Variants in PITPNM2 observed in about 807,000 individuals in gnomAD.
The protein encoded by PITPNM2 is membrane-associated phosphatidylinositol transfer protein 2.
A neutral mutation model predicts 132.2 loss-of-function variants in PITPNM2; 35 were observed. That is an observed-to-expected ratio of 0.26 (90% CI 0.20 to 0.35). The LOEUF (loss-of-function observed/expected upper bound fraction) is 0.35, where lower values mean the gene tolerates loss of function less well. Ranked by LOEUF, PITPNM2 falls within the 10% of genes least tolerant of loss-of-function variation. The pLI is 1.00. For missense variants in PITPNM2, 1,332 were observed against 1,912.0 expected (o/e 0.70, Z 5.66); for synonymous variants, 738 against 799.2 (o/e 0.92, Z 1.29).
chr12:123,085,563 A>T (rs1007037633), intron 2 of PITPNM2, among the ~76,000 whole-genome samples: 1 of 152,092 alleles, frequency 6.6e-6, no homozygotes, highest in African/African-American at 2.4e-5. Context: ...TTGGGATGAT[A>T]AAAAAAATTC....
intron 2 of PITPNM2, among the ~76,000 whole-genome samples, chr12:123,085,750 G>C (rs2137055790): frequency 6.6e-6 from 1 of 152,298 alleles, no homozygotes; most frequent in South Asian, 2.1e-4. Context: ...ATACAGGATG[G>C]CCAATAACTC....
At position 123,020,577 on chromosome 12, in the gene PITPNM2, G is replaced by C. The variant is rs2039626424; in HGVS notation, c.79-6535C>G. Among the ~76,000 whole-genome samples the C allele has an allele frequency of 3.3e-5, 5 of 152,322 alleles. No individual in the cohort carries two copies. The South Asian group carries it at 1.0e-3, about 32-fold the overall frequency. On this transcript the variant is annotated intron_variant, in intron 3 of 25. Transcript: ENST00000320201. ...GCTGCCCACAGGGGTGTTCTTTCCT[G>C]GGTTTAGATAGGAGGTGAGGCCCCC...
chr12:122,986,076 C>T lies in PITPNM2; in HGVS notation c.4001G>A (p.Arg1334His), dbSNP rs1475211738. 5 of 1,433,210 alleles carry T rather than the reference C, an allele frequency of 3.5e-6. No individual in the cohort carries two copies. The highest frequency in any genetic ancestry group is 2.9e-5 in the Admixed American group (1 of 33,920). The allele number at this position is 1,433,210 out of a possible 1,614,324, so 88.8% of individuals were successfully genotyped here. The change falls in exon 26 of 26, where the codon CGC (arginine) becomes CAC (histidine). Residue 1334 changes from arginine (R) to histidine (H), a missense_variant. Transcript: ENST00000320201. ...CGGCTCCAGGCGGCCAGTCATGGCG[C>T]GGCCCCAGCAGCCGGCCGCCACACT... Reference protein sequence around the residue: ...SMSVAAGCWGRAMTGRLEPGA... With the variant: ...SMSVAAGCWGHAMTGRLEPGA...
Position 122,995,332 on chromosome 12 carries a change from C to T in PITPNM2, c.2054+57G>A. On this transcript the variant is annotated intron_variant, in intron 14 of 25. Coordinates refer to ENST00000320201, the MANE Select transcript of PITPNM2 (RefSeq NM_020845.3). ...TGGCCATCACAGGGGATGTTCCTCC[C>T]TCTTGGAGCCTCTTCCCACACCCAG... The T allele has an allele frequency of 7.2e-6, 11 of 1,532,758 alleles. No homozygotes were observed. In the South Asian group the frequency reaches 1.3e-4, roughly 17 times the overall value. 94.9% of individuals were successfully genotyped at this position (1,532,758 alleles called of 1,614,324 possible). A position where few individuals can be genotyped will look rare whatever the true frequency, so the allele number is the denominator to read the frequency against.
At chr12:123,094,759 G>A (rs759863828) in intron 2 of PITPNM2, among the ~76,000 whole-genome samples, 5 of 152,188 alleles carry the variant, frequency 3.3e-5, no homozygotes, top group East Asian at 3.8e-4. Flanking sequence ...AGGTGGGGCC[G>A]AGGGCAGGGA....
At chr12:123,138,228 C>A (rs2043425091) in intron 1 of PITPNM2, among the ~76,000 whole-genome samples, 1 of 152,124 alleles carries the variant, frequency 6.6e-6, no homozygotes, top group African/African-American at 2.4e-5. Context: ...GGGTGGATCG[C>A]TTGAGCTCAG....
intron 2 of PITPNM2, among the ~76,000 whole-genome samples, chr12:123,040,784 T>C (rs1251911488): frequency 6.6e-6 from 1 of 152,204 alleles, no homozygotes; most frequent in African/African-American, 2.4e-5. Context: ...TAGAACATGA[T>C]ACTTTTTTTA....
intron 2 of PITPNM2, among the ~76,000 whole-genome samples, chr12:123,086,969 C>T (rs571275606): frequency 6.6e-6 from 1 of 152,326 alleles, no homozygotes; most frequent in East Asian, 1.9e-4. Context: ...TTCTGCTCAG[C>T]CCAGCCACTG....
intron 1 of PITPNM2, among the ~76,000 whole-genome samples, chr12:123,137,058 T>A (rs1257346896): frequency 6.6e-6 from 1 of 152,160 alleles, no homozygotes; most frequent in Non-Finnish European, 1.5e-5. Context: ...ATTAGCCTAA[T>A]GAGGGCAAGT....
intron 2 of PITPNM2, among the ~76,000 whole-genome samples, chr12:123,041,884 C>T (rs2040491876): frequency 6.6e-6 from 1 of 151,928 alleles, no homozygotes; most frequent in African/African-American, 2.4e-5. Context: ...GCACCTGGGC[C>T]CTGGCCTTAG....
At chr12:123,044,558 T>A (rs956868171) in intron 2 of PITPNM2, among the ~76,000 whole-genome samples, 5 of 152,224 alleles carry the variant, frequency 3.3e-5, no homozygotes, top group Non-Finnish European at 7.3e-5. Context: ...GATTTTCACC[T>A]GGGTTACTCC....
intron 23 of PITPNM2, 104 bp from the exon 24 acceptor site, chr12:122,986,933 G>C (rs549740703): frequency 7.4e-7 from 1 of 1,357,042 alleles, no homozygotes; most frequent in South Asian, 1.4e-5. Context: ...GCACATCTCT[G>C]ATTGAGCTCA....
chr12:123,072,157 C>T (rs1386956051), intron 2 of PITPNM2, among the ~76,000 whole-genome samples: 1 of 152,164 alleles, frequency 6.6e-6, no homozygotes, highest in Non-Finnish European at 1.5e-5. Flanking sequence ...AAAGTGAGGA[C>T]GCTGGCATGA....
rs765393897 is a variant in PITPNM2, at chr12:122,986,705, C to T, written c.3538G>A (p.Gly1180Ser). ...TGCCGCAGCGGGTCATGCACCAGGC[C>T]GTCACAGAAGGACACCACGCCATGG... Reference protein sequence around the residue: ...FPHGVVSFCDGLVHDPLRHKA... With the variant: ...FPHGVVSFCDSLVHDPLRHKA... Residue 1180 changes from glycine (G) to serine (S), a missense_variant, in exon 24 of 26, where the codon GGC becomes AGC. This residue lies in a region of PITPNM2 where 251 missense variants were observed against 472.0 expected (regional missense o/e 0.53). Coordinates refer to ENST00000320201, the MANE Select transcript of PITPNM2 (RefSeq NM_020845.3). 3.7e-6 allele frequency: 6 copies of T among 1,613,516 alleles called. No individual in the cohort carries two copies. The highest frequency in any genetic ancestry group is 2.2e-5 in the East Asian group (1 of 44,878).
In PITPNM2 at chr12:122,992,426, G is replaced by C. The variant is rs958928544; in HGVS notation, c.2404+73C>G. The C allele has an allele frequency of 6.0e-6, 9 of 1,510,734 alleles. No homozygotes were observed. The African/African-American group carries it at 1.3e-4, about 21-fold the overall frequency. The allele number at this position is 1,510,734 out of a possible 1,614,324, so 93.6% of individuals were successfully genotyped here. A position where few individuals can be genotyped will look rare whatever the true frequency, so the allele number is the denominator to read the frequency against. On this transcript the variant is annotated intron_variant, in intron 16 of 25. Transcript: ENST00000320201. This position sits in a 1 kb window ranked among gnomAD's most constrained non-coding sequence, Gnocchi z 6.5. Reference sequence around the variant, plus strand: ...ACCTGGGGAAGAACCACGTAGCATGGAGGACCTAGGAGCCAGGGAGCCACG... The same window carrying C: ...ACCTGGGGAAGAACCACGTAGCATGCAGGACCTAGGAGCCAGGGAGCCACG...
chr12:122,996,511 G>A lies in PITPNM2; in HGVS notation c.1729C>T (p.Pro577Ser). The A allele has an allele frequency of 1.2e-6, 2 of 1,613,100 alleles. 1 individual carries two copies. Among genetic ancestry groups the A allele is most frequent in the South Asian group, 2.2e-5 (2 of 91,086 alleles). ...CTGCTGCTCTGACTCTCAGACACCG[G>A]CTGGTTACTGTAGCACAGGGCATCA... is the stretch of plus-strand genomic sequence containing the variant. Reference protein sequence around the residue: ...AFDALCYSNQPVSESQSSSRR... With the variant: ...AFDALCYSNQSVSESQSSSRR... The change falls in exon 13 of 26, where the codon CCG (proline) becomes TCG (serine). Residue 577 changes from proline (P) to serine (S), a missense_variant. Physicochemically the swap from Pro to Ser is moderately conservative, Grantham distance 74. Around this residue, in one of 6 missense-constraint regions of PITPNM2, gnomAD observed 710 missense variants for 911.5 expected, o/e 0.78. Transcript: ENST00000320201.
chr12:123,068,459 A>T (rs957431496), intron 2 of PITPNM2, among the ~76,000 whole-genome samples: 95 of 24,176 alleles, frequency 3.9e-3, no homozygotes, highest in Admixed American at 9.6e-3. Flanking sequence ...AAAAAATAAT[A>T]AATAAATAAA....
chr12:123,009,194 C>A lies in PITPNM2; in HGVS notation c.643+656G>T, dbSNP rs758817420. The stretch of plus-strand genomic sequence containing the variant: ...CTGGGGTGCCTTTTGGGTCATGGGC[C>A]TCAGGGACCGGAACCAGCTCTTGGA... On this transcript the variant is annotated intron_variant, in intron 6 of 25. Coordinates refer to ENST00000320201, the MANE Select transcript of PITPNM2 (RefSeq NM_020845.3). This position sits in a 1 kb window ranked among gnomAD's most constrained non-coding sequence, Gnocchi z 4.8. Among the ~76,000 whole-genome samples, 2 of 152,196 alleles carry A rather than the reference C, an allele frequency of 1.3e-5. No individual in the cohort carries two copies. Among genetic ancestry groups the A allele is most frequent in the Non-Finnish European group, 2.9e-5 (2 of 68,038 alleles).
At chr12:123,131,346 C>T (rs1168476699) in intron 1 of PITPNM2, among the ~76,000 whole-genome samples, 3 of 152,092 alleles carry the variant, frequency 2.0e-5, no homozygotes, top group Non-Finnish European at 4.4e-5. Context: ...CAAGGAATGC[C>T]AAGAATGGCC....
Sources: allele counts gnomAD v4.1 joint callset (sites outside exome capture counted in the v4.1 genomes callset), GRCh38; gene constraint gnomAD v4.1.1; regional missense constraint gnomAD v4.1.1; non-coding constraint Gnocchi (gnomAD v3.1); transcripts MANE v1.5; gene names NCBI Gene and HGNC (gene_info 2026-07-23, HGNC 2026-07-21).